The following STK32B variants were observed in gnomAD, a reference collection of about 807,000 sequenced individuals.
STK32B encodes serine/threonine kinase 32B.
STK32B carries 43 observed loss-of-function variants against 52.6 expected under a neutral mutation model. That is an observed-to-expected ratio of 0.82 (90% confidence interval 0.64 to 1.05). The LOEUF is 1.05. Ranked by LOEUF, STK32B falls within the 50% of genes least tolerant of loss-of-function variation. The probability of loss-of-function intolerance (pLI) is 0.00; values close to 1 mark genes in which losing one functional copy is unlikely to be tolerated. For missense variants in STK32B, 621 were observed against 534.6 expected (o/e 1.16, Z -1.59); for synonymous variants, 238 against 204.3 (o/e 1.17, Z -1.41).
chr4:5,279,552 T>A (rs547812381), intron 3 of STK32B, among the ~76,000 whole-genome samples: 1 of 152,142 alleles, frequency 6.6e-6, no homozygotes, highest in Non-Finnish European at 1.5e-5. Flanking sequence ...CTGTCAGTGA[T>A]CAACCATTCT....
chr4:5,085,263 A>G (rs1308110165), intron 1 of STK32B, among the ~76,000 whole-genome samples: 1 of 152,220 alleles, frequency 6.6e-6, no homozygotes, highest in East Asian at 1.9e-4. Flanking sequence ...TGAATAACAA[A>G]TGACATAATA....
At chr4:5,092,187 T>C (rs1170381032) in intron 1 of STK32B, among the ~76,000 whole-genome samples, 1 of 152,220 alleles carries the variant, frequency 6.6e-6, no homozygotes, top group Non-Finnish European at 1.5e-5. Context: ...TCAAGTTCAA[T>C]GAATTGTACA....
chr4:5,294,628 C>T (rs1312224687), intron 3 of STK32B, among the ~76,000 whole-genome samples: 1 of 152,148 alleles, frequency 6.6e-6, no homozygotes, highest in East Asian at 1.9e-4. Flanking sequence ...ATTTTGTATT[C>T]TGAGACTTTG....
chr4:5,147,519 G>C (rs562337206), intron 2 of STK32B, among the ~76,000 whole-genome samples: 23 of 152,168 alleles, frequency 1.5e-4, no homozygotes, highest in African/African-American at 5.3e-4. Context: ...AGGGGAAAAA[G>C]TGTTCAGTCT....
intron 1 of STK32B, among the ~76,000 whole-genome samples, chr4:5,107,469 GA>G (rs1182539917): frequency 6.6e-6 from 1 of 152,144 alleles, no homozygotes; most frequent in Admixed American, 6.5e-5. Context: ...AAAGTGTGGG[GA>G]CCACTGTGCT....
intron 4 of STK32B, among the ~76,000 whole-genome samples, chr4:5,339,383 TG>T (rs1219480055): frequency 6.6e-6 from 1 of 152,226 alleles, no homozygotes; most frequent in African/African-American, 2.4e-5. Context: ...ATTATAAAGT[TG>T]GCAGAGATTT....
intron 3 of STK32B, among the ~76,000 whole-genome samples, chr4:5,183,837 C>T (rs770199910): frequency 1.3e-5 from 2 of 152,210 alleles, no homozygotes; most frequent in Non-Finnish European, 2.9e-5. Flanking sequence ...GAACCAACCT[C>T]TGCTACCTTT....
chr4:5,057,929 T>G (rs1742069263), intron 1 of STK32B, among the ~76,000 whole-genome samples: 1 of 152,082 alleles, frequency 6.6e-6, no homozygotes, highest in Non-Finnish European at 1.5e-5. Flanking sequence ...CAGAGGAGAA[T>G]TTCTAGTTCA....
Position 5,085,110 on chromosome 4 carries a change from C to A in STK32B, c.52+33195C>A, listed in dbSNP as rs144339749. Reference sequence around the variant, plus strand: ...TGTGGTCAAATTAAGTTAGGGAAATCCTGCAGTATGGTTTACAGGACAGCC... The same window carrying A: ...TGTGGTCAAATTAAGTTAGGGAAATACTGCAGTATGGTTTACAGGACAGCC... On this transcript the variant is annotated intron_variant, in intron 1 of 11. Coordinates refer to ENST00000282908, the MANE Select transcript of STK32B (RefSeq NM_018401.3). 2.4e-3 allele frequency among the ~76,000 whole-genome samples: 361 copies of A among 152,250 alleles called. 1 individual carries two copies. Among genetic ancestry groups the A allele is most frequent in the African/African-American group, 8.3e-3 (344 of 41,538 alleles).
In STK32B at chr4:5,211,675, A is replaced by G. The variant is rs565607038; in HGVS notation, c.260+43225A>G. ...GCCTTCTCTCTTCTGTTAACTCACC[A>G]TGTGCAATGACCCCATGAGGTCAGC... On this transcript the variant is annotated intron_variant, in intron 3 of 11. Transcript: ENST00000282908. Among the ~76,000 whole-genome samples the G allele has an allele frequency of 2.0e-5, 3 of 152,286 alleles. No homozygotes were observed. In the South Asian group the frequency reaches 6.2e-4, roughly 32 times the overall value.
At chr4:5,043,127 A>C in the STK32B span, among the ~76,000 whole-genome samples, 1 of 151,644 alleles carries the variant, frequency 6.6e-6, no homozygotes, top group African/African-American at 2.4e-5. Flanking sequence ...AAAAAAAAAA[A>C]AAAAAAAAAC....
At chr4:5,292,020 A>G (rs2108884745) in intron 3 of STK32B, among the ~76,000 whole-genome samples, 1 of 152,242 alleles carries the variant, frequency 6.6e-6, no homozygotes, top group South Asian at 2.1e-4. Flanking sequence ...TCCACCACTG[A>G]TAGGCACTTA....
intron 11 of STK32B, among the ~76,000 whole-genome samples, chr4:5,490,728 T>C (rs7662111): frequency 0.94 from 142,976 of 152,044 alleles, 67,689 homozygotes; most frequent in African/African-American, 0.97. Context: ...TCCCCAACTC[T>C]CCACCCCACA....
rs368922955 is a variant in STK32B, at chr4:5,469,328, A to G, written c.1106+1258A>G. 7.9e-5 allele frequency among the ~76,000 whole-genome samples: 12 copies of G among 152,358 alleles called. No individual in the cohort carries two copies. The highest frequency in any genetic ancestry group is 3.4e-3 in the Middle Eastern group (1 of 294). On this transcript the variant is annotated intron_variant, in intron 11 of 11. Coordinates refer to ENST00000282908, the MANE Select transcript of STK32B (RefSeq NM_018401.3). The surrounding 1 kb of genome is among the most constrained non-coding windows in gnomAD (Gnocchi z 4.7). ...GCGCAGGAAACACGTGCTAAGGCCA[A>G]GGGCCACCCAGGGCAGTGCATGTCA...
chr4:5,463,899 G>T (rs1717226701), intron 9 of STK32B, among the ~76,000 whole-genome samples: 1 of 152,212 alleles, frequency 6.6e-6, no homozygotes, highest in Non-Finnish European at 1.5e-5. Context: ...TTCTGTATTA[G>T]GCCATTCTTG....
chr4:5,428,722 A>G (rs957706288), intron 6 of STK32B, among the ~76,000 whole-genome samples: 1 of 152,218 alleles, frequency 6.6e-6, no homozygotes, highest in Non-Finnish European at 1.5e-5. Context: ...TCTACTTCTT[A>G]TATCAATTAC....
In STK32B at chr4:5,317,014, A is replaced by AT. The variant is rs1730975927; in HGVS notation, c.261-14206_261-14205insT. ...ATATGATATAATATATAATATATATAATATATAATATATATGATATAATAT... is the reference window on the plus strand; with the variant it reads ...ATATGATATAATATATAATATATATATATATATAATATATATGATATAATAT... On this transcript the variant is annotated intron_variant, in intron 3 of 11. Transcript: ENST00000282908. Among the ~76,000 whole-genome samples the AT allele has an allele frequency of 1.6e-4, 4 of 25,610 alleles. 1 individual carries two copies. The East Asian group carries it at 9.2e-3, about 59-fold the overall frequency. 16.8% of individuals were successfully genotyped at this position (25,610 alleles called of 152,430 possible).
chr4:5,107,043 C>G lies in STK32B; in HGVS notation c.53-32862C>G, dbSNP rs955583910. Among the ~76,000 whole-genome samples, 194 of 152,316 alleles carry G rather than the reference C, an allele frequency of 1.3e-3. 1 individual carries two copies. Among genetic ancestry groups the G allele is most frequent in the African/African-American group, 4.1e-3 (171 of 41,574 alleles). The stretch of plus-strand genomic sequence containing the variant: ...CGGCTGCATAGCAGGAGGTGAGAGG[C>G]AGGTGAAGCTTCATCTGTATTTACA... On this transcript the variant is annotated intron_variant, in intron 1 of 11. Coordinates refer to ENST00000282908, the MANE Select transcript of STK32B (RefSeq NM_018401.3).
At chr4:5,446,301 C>G (rs914923300) in intron 6 of STK32B, among the ~76,000 whole-genome samples, 1 of 152,214 alleles carries the variant, frequency 6.6e-6, no homozygotes, top group Non-Finnish European at 1.5e-5. Context: ...TGCGATGGCT[C>G]ACGCCTGTAA....
Sources: allele counts gnomAD v4.1 joint callset (sites outside exome capture counted in the v4.1 genomes callset), GRCh38; gene constraint gnomAD v4.1.1; non-coding constraint Gnocchi (gnomAD v3.1); transcripts MANE v1.5; gene names NCBI Gene and HGNC (gene_info 2026-07-23, HGNC 2026-07-21).